The following TUBGCP4 variants were observed in gnomAD, a reference collection of about 807,000 sequenced individuals.
TUBGCP4 encodes the protein gamma-tubulin complex component 4.
TUBGCP4 carries 54 observed loss-of-function variants against 91.6 expected under a neutral mutation model. The observed-to-expected ratio is 0.59, with a 90% CI of 0.47 to 0.74. The LOEUF is 0.74. Ranked by LOEUF, TUBGCP4 falls within the 30% of genes least tolerant of loss-of-function variation. TUBGCP4 has a pLI of 0.00. For missense variants in TUBGCP4, 593 were observed against 800.9 expected, an observed-to-expected ratio of 0.74 and a Z score of 3.13; for synonymous variants, 297 against 302.8, an observed-to-expected ratio of 0.98 and a Z score of 0.20.
At chr15:43,398,227 G>A in intron 13 of TUBGCP4, 48 bp downstream of exon 13, 1 of 1,583,954 alleles carries the variant, frequency 6.3e-7, no homozygotes, top group Middle Eastern at 1.7e-4. Context: ...CACCTTACTT[G>A]TAAGGGAAGA....
At position 43,376,078 on chromosome 15, in the gene TUBGCP4, C is replaced by T. The variant is rs1461722320; in HGVS notation, c.79-20C>T. On this transcript the variant is annotated intron_variant, in intron 1 of 17. Transcript: ENST00000564079. ...GGGCAGCGACTGGCGGTGTTTTCGG[C>T]AGTGTTCCTCTTCCTGCAGGTATCG... is the stretch of plus-strand genomic sequence containing the variant. 3 of 1,610,562 alleles carry T rather than the reference C, an allele frequency of 1.9e-6. No individual in the cohort carries two copies. The Admixed American group carries it at 5.0e-5, about 27-fold the overall frequency.
chr15:43,403,829 C>A (rs1195116275), intron 16 of TUBGCP4, 30 bp downstream of exon 16: 15 of 1,544,440 alleles, frequency 9.7e-6, no homozygotes, highest in Non-Finnish European at 1.3e-5. Flanking sequence ...TGCAGCCTTG[C>A]CGAAAGGACA....
intron 1 of TUBGCP4, among the ~76,000 whole-genome samples, chr15:43,372,608 C>A (rs1194460419): frequency 8.2e-6 from 1 of 122,388 alleles, no homozygotes. Flanking sequence ...TAACACAGTA[C>A]AGGAAAGATA....
At chr15:43,375,328 G>A (rs2044190008) in intron 1 of TUBGCP4, among the ~76,000 whole-genome samples, 1 of 152,174 alleles carries the variant, frequency 6.6e-6, no homozygotes, top group Non-Finnish European at 1.5e-5. Context: ...GATGGATGGT[G>A]GTGCTGGTTG....
chr15:43,407,980 G>T lies in TUBGCP4; in HGVS notation c.*2766G>T. 1 of 1,613,880 alleles carries T rather than the reference G, an allele frequency of 6.2e-7. No homozygotes were observed. On this transcript the variant is annotated 3_prime_UTR_variant, in exon 18 of 18. Coordinates refer to ENST00000564079, the MANE Select transcript of TUBGCP4 (RefSeq NM_014444.5). Reference sequence around the variant, plus strand: ...CACTTGAATGGTGCTGCTTCACAGAGGCTGCACCACCAGTCATGAGGATCT... The same window carrying T: ...CACTTGAATGGTGCTGCTTCACAGATGCTGCACCACCAGTCATGAGGATCT...
Position 43,409,650 on chromosome 15 carries a change from G to C in TUBGCP4, c.*4436G>C. On this transcript the variant is annotated 3_prime_UTR_variant, in exon 18 of 18. Coordinates refer to ENST00000564079, the MANE Select transcript of TUBGCP4 (RefSeq NM_014444.5). ...GTTACACAAAGAAACTCCTCACCTG[G>C]GCTTCATTGAAATCTTCAAGGATAT... 1 of 1,525,896 alleles carries C rather than the reference G, an allele frequency of 6.6e-7. No homozygotes were observed. The highest frequency in any genetic ancestry group is 1.3e-5 in the South Asian group (1 of 78,172). The allele number at this position is 1,525,896 out of a possible 1,614,324, so 94.5% of individuals were successfully genotyped here. A position where few individuals can be genotyped will look rare whatever the true frequency, so the allele number is the denominator to read the frequency against.
chr15:43,383,425 G>T lies in TUBGCP4; in HGVS notation c.644G>T (p.Ser215Ile). 2 of 1,614,100 alleles carry T rather than the reference G, an allele frequency of 1.2e-6. No homozygotes were observed. The highest frequency in any genetic ancestry group is 1.1e-5 in the South Asian group (1 of 91,064). ...IKQGPSSGNVSAQPEEDEEDL... is the reference protein window; with the variant it reads ...IKQGPSSGNVIAQPEEDEEDL... ...CAGGGGCCATCTTCTGGTAATGTCA[G>T]TGCCCAGCCAGAAGAGGACGAGGAG... is the stretch of plus-strand genomic sequence containing the variant. The change falls in exon 7 of 18, where the codon AGT (serine) becomes ATT (isoleucine). Residue 215 changes from serine to isoleucine, a missense_variant. Transcript: ENST00000564079.
chr15:43,373,398 C>T (rs1738926462), intron 1 of TUBGCP4, among the ~76,000 whole-genome samples: 1 of 152,192 alleles, frequency 6.6e-6, no homozygotes, highest in African/African-American at 2.4e-5. Flanking sequence ...ATAGTAGTAT[C>T]ACTTGATAAC....
In TUBGCP4 at chr15:43,406,528, A is replaced by G. The variant is rs1485721882; in HGVS notation, c.*1314A>G. ...TCTATGGTTGCTTTCATGCCCTCAC[A>G]GCAAAGGCGAGTAGTTGTGATGGAT... On this transcript the variant is annotated 3_prime_UTR_variant, in exon 18 of 18. Coordinates refer to ENST00000564079, the MANE Select transcript of TUBGCP4 (RefSeq NM_014444.5). The G allele has an allele frequency of 2.2e-6, 1 of 453,092 alleles. No homozygotes were observed. Among genetic ancestry groups the G allele is most frequent in the East Asian group, 6.9e-5 (1 of 14,400 alleles). The allele number at this position is 453,092 out of a possible 1,614,324, so 28.1% of individuals were successfully genotyped here.
intron 9 of TUBGCP4, among the ~76,000 whole-genome samples, chr15:43,390,419 C>G (rs541964455): frequency 4.0e-5 from 6 of 151,720 alleles, no homozygotes; most frequent in Admixed American, 3.9e-4. Flanking sequence ...AAAATCTAGT[C>G]ATTTATGTTT....
intron 1 of TUBGCP4, among the ~76,000 whole-genome samples, chr15:43,374,803 T>C (rs1222799891): frequency 6.6e-6 from 1 of 152,186 alleles, no homozygotes; most frequent in Non-Finnish European, 1.5e-5. Flanking sequence ...ATGTGGTATA[T>C]ACACACAAGG....
chr15:43,388,749 CTT>C (rs947774618), intron 9 of TUBGCP4, among the ~76,000 whole-genome samples: 1 of 152,114 alleles, frequency 6.6e-6, no homozygotes, highest in Non-Finnish European at 1.5e-5. Flanking sequence ...AGCACAGACT[CTT>C]TGAAGTTTCT....
Position 43,409,355 on chromosome 15 carries a change from C to T in TUBGCP4, c.*4141C>T. 1 of 575,268 alleles carries T rather than the reference C, an allele frequency of 1.7e-6. No individual in the cohort carries two copies. Among genetic ancestry groups the T allele is most frequent in the Non-Finnish European group, 3.1e-6 (1 of 323,370 alleles). 35.6% of individuals were successfully genotyped at this position (575,268 alleles called of 1,614,324 possible). A position where few individuals can be genotyped will look rare whatever the true frequency, so the allele number is the denominator to read the frequency against. On this transcript the variant is annotated 3_prime_UTR_variant, in exon 18 of 18. Transcript: ENST00000564079. ...ACCAAAACCTATGAACTCAGCCTTT[C>T]AGGCTAAAAATCAGCAACCCTAATA... is the stretch of plus-strand genomic sequence containing the variant.
chr15:43,371,158 C>G lies in TUBGCP4; in HGVS notation c.-197C>G. 1 of 622,140 alleles carries G rather than the reference C, an allele frequency of 1.6e-6. No individual in the cohort carries two copies. The highest frequency in any genetic ancestry group is 2.9e-6 in the Non-Finnish European group (1 of 348,924). 38.5% of individuals were successfully genotyped at this position (622,140 alleles called of 1,614,324 possible). On this transcript the variant is annotated 5_prime_UTR_variant, in exon 1 of 18. Coordinates refer to ENST00000564079, the MANE Select transcript of TUBGCP4 (RefSeq NM_014444.5). ...TGGACCCCGTTGAGCTGCCGAACTT[C>G]CGGGACTCCCCCGCGACCCCTTCCC...
Position 43,407,293 on chromosome 15 carries a change from G to T in TUBGCP4, c.*2079G>T. On this transcript the variant is annotated 3_prime_UTR_variant, in exon 18 of 18. Coordinates refer to ENST00000564079, the MANE Select transcript of TUBGCP4 (RefSeq NM_014444.5). The stretch of plus-strand genomic sequence containing the variant: ...AAACTATATACAAGATCCATGCAAG[G>T]AATCCAGTTACACACAAGACACATT... The T allele has an allele frequency of 1.8e-6, 2 of 1,087,824 alleles. No homozygotes were observed. Among genetic ancestry groups the T allele is most frequent in the Non-Finnish European group, 1.4e-6 (1 of 734,134 alleles). 67.4% of individuals were successfully genotyped at this position (1,087,824 alleles called of 1,614,324 possible). A position where few individuals can be genotyped will look rare whatever the true frequency, so the allele number is the denominator to read the frequency against.
At position 43,407,006 on chromosome 15, in the gene TUBGCP4, C is replaced by A. The variant is rs1006780266; in HGVS notation, c.*1792C>A. On this transcript the variant is annotated 3_prime_UTR_variant, in exon 18 of 18. Coordinates refer to ENST00000564079, the MANE Select transcript of TUBGCP4 (RefSeq NM_014444.5). ...AATCTGGGCCTTCACCTACCTTAAA[C>A]TGAGTTTCTGCAAGCATAGCATTTT... The A allele has an allele frequency of 1.3e-5, 3 of 236,442 alleles. No individual in the cohort carries two copies. The highest frequency in any genetic ancestry group is 6.9e-5 in the African/African-American group (3 of 43,780). 14.6% of individuals were successfully genotyped at this position (236,442 alleles called of 1,614,324 possible). A position where few individuals can be genotyped will look rare whatever the true frequency, so the allele number is the denominator to read the frequency against.
chr15:43,401,421 C>T (rs1052267313), intron 14 of TUBGCP4, among the ~76,000 whole-genome samples: 8 of 143,896 alleles, frequency 5.6e-5, no homozygotes, highest in African/African-American at 2.1e-4. Context: ...CACTGCACTC[C>T]AGCCTGGGTG....
At position 43,407,271 on chromosome 15, in the gene TUBGCP4, CTATA is replaced by C; in HGVS notation, c.*2060_*2063del. The C allele has an allele frequency of 1.2e-6, 1 of 869,252 alleles. No individual in the cohort carries two copies. The highest frequency in any genetic ancestry group is 1.7e-5 in the African/African-American group (1 of 59,074). 53.8% of individuals were successfully genotyped at this position (869,252 alleles called of 1,614,324 possible). On this transcript the variant is annotated 3_prime_UTR_variant, in exon 18 of 18. Transcript: ENST00000564079. ...TATCATAAAAGTTCAGCAAATAAAA[CTATA>C]TACAAGATCCATGCAAGGAATCCAG...
Position 43,400,204 on chromosome 15 carries a change from C to T in TUBGCP4, c.1579C>T (p.Leu527Phe), listed in dbSNP as rs980520226. ...TCACATGGCATTTTTGGTGGATAAT[C>T]TTCAGTACTATCTCCAGGTCTGTGC... Reference protein sequence around the residue: ...RNHMAFLVDNLQYYLQVDVLE... With the variant: ...RNHMAFLVDNFQYYLQVDVLE... Residue 527 changes from leucine to phenylalanine, a missense_variant, in exon 14 of 18, where the codon CTT becomes TTT. Physicochemically the swap from Leu to Phe is conservative, Grantham distance 22 (BLOSUM62 0). Transcript: ENST00000564079. 8 of 1,614,076 alleles carry T rather than the reference C, an allele frequency of 5.0e-6. No homozygotes were observed. Among genetic ancestry groups the T allele is most frequent in the Non-Finnish European group, 6.8e-6 (8 of 1,179,996 alleles).
Sources: allele counts gnomAD v4.1 joint callset (sites outside exome capture counted in the v4.1 genomes callset), GRCh38; gene constraint gnomAD v4.1.1; transcripts MANE v1.5; gene names NCBI Gene and HGNC (gene_info 2026-07-23, HGNC 2026-07-21).